Variants in TOX3 observed in about 807,000 individuals in gnomAD.
TOX3 encodes TOX high mobility group box family member 3, also known as CAG trinucleotide repeat-containing gene F9 protein.
A neutral mutation model predicts 64.3 loss-of-function variants in TOX3; 22 were observed. That is an observed-to-expected ratio of 0.34 (90% CI 0.24 to 0.49). The LOEUF (loss-of-function observed/expected upper bound fraction) is 0.49. Ranked by LOEUF, TOX3 falls within the 20% of genes least tolerant of loss-of-function variation. The probability of loss-of-function intolerance (pLI) is 0.99; values close to 1 mark genes in which losing one functional copy is unlikely to be tolerated. For missense variants in TOX3, 661 were observed against 714.4 expected (o/e 0.93, Z 0.85); for synonymous variants, 291 against 273.6 (o/e 1.06, Z -0.63).
At chr16:52,454,302 T>A (rs367931628) in intron 3 of TOX3, among the ~76,000 whole-genome samples, 2 of 152,152 alleles carry the variant, frequency 1.3e-5, no homozygotes, top group African/African-American at 4.8e-5. Flanking sequence ...AGAGTACTGG[T>A]GGTGGGGCCA....
chr16:52,455,478 ATC>A (rs1262726358), intron 3 of TOX3, among the ~76,000 whole-genome samples: 1 of 152,168 alleles, frequency 6.6e-6, no homozygotes, highest in Non-Finnish European at 1.5e-5. Flanking sequence ...CATAAAAATC[ATC>A]TCCTTGGGGG....
intron 1 of TOX3, among the ~76,000 whole-genome samples, chr16:52,499,939 A>G (rs920088445): frequency 1.3e-5 from 2 of 152,210 alleles, no homozygotes; most frequent in Non-Finnish European, 2.9e-5. Flanking sequence ...ACAAGCACCA[A>G]TCTTTGGCCT....
chr16:52,436,973 T>C lies in TOX3; in HGVS notation c.*2252A>G, dbSNP rs1286942931. 1 of 152,222 alleles carries C rather than the reference T, an allele frequency of 6.6e-6. No individual in the cohort carries two copies. Among genetic ancestry groups the C allele is most frequent in the Non-Finnish European group, 1.5e-5 (1 of 68,030 alleles). The allele number at this position is 152,222 out of a possible 1,614,324, so 9.4% of individuals were successfully genotyped here. On this transcript the variant is annotated 3_prime_UTR_variant, in exon 7 of 7. Transcript: ENST00000219746. ...GGTTTCACAACAGAATATAAAATGG[T>C]TATTGTTATGTAATGTTAGTTTCAA...
Position 52,488,975 on chromosome 16 carries a change from C to T in TOX3, c.88-20401G>A, listed in dbSNP as rs552583601. On this transcript the variant is annotated intron_variant, in intron 1 of 6. Transcript: ENST00000219746. ...AGCTTTCAGCACCAAACCTCACCCA[C>T]TTGTCAACTAATGGACTTTGTCCCT... 2.2e-4 allele frequency among the ~76,000 whole-genome samples: 34 copies of T among 152,326 alleles called. 2 individuals carry two copies. In the South Asian group the frequency reaches 6.6e-3, roughly 30 times the overall value.
At chr16:52,479,091 C>G (rs1194386449) in intron 1 of TOX3, among the ~76,000 whole-genome samples, 1 of 152,174 alleles carries the variant, frequency 6.6e-6, no homozygotes, top group Admixed American at 6.5e-5. Context: ...ATGACAGGTA[C>G]TACGTGGAGG....
In TOX3 at chr16:52,440,748, C is replaced by CTTTTTTTTTTTTTTTTTT. The variant is rs1425662404; in HGVS notation, c.988-781_988-780insAAAAAAAAAAAAAAAAAA. Among the ~76,000 whole-genome samples, 4 of 89,456 alleles carry CTTTTTTTTTTTTTTTTTT rather than the reference C, an allele frequency of 4.5e-5. 1 individual carries two copies. Among genetic ancestry groups the CTTTTTTTTTTTTTTTTTT allele is most frequent in the Non-Finnish European group, 9.4e-5 (4 of 42,776 alleles). The allele number at this position is 89,456 out of a possible 152,430, so 58.7% of individuals were successfully genotyped here. A position where few individuals can be genotyped will look rare whatever the true frequency, so the allele number is the denominator to read the frequency against. On this transcript the variant is annotated intron_variant, in intron 6 of 6. Coordinates refer to ENST00000219746, the MANE Select transcript of TOX3 (RefSeq NM_001080430.4). Reference sequence around the variant, plus strand: ...ATTGGGTTATATGGTATTTTTCTTTCTTTCTTTTTTTTTTTTTTTTTTTTT... The same window carrying CTTTTTTTTTTTTTTTTTT: ...ATTGGGTTATATGGTATTTTTCTTTCTTTTTTTTTTTTTTTTTTTTTCTTTTTTTTTTTTTTTTTTTTT...
In TOX3 at chr16:52,463,942, A is replaced by T. The variant is rs1232109311; in HGVS notation, c.400T>A (p.Leu134Met). Residue 134 changes from leucine to methionine, a missense_variant, in exon 3 of 7, where the codon TTG becomes ATG. Coordinates refer to ENST00000219746, the MANE Select transcript of TOX3 (RefSeq NM_001080430.4). ...ATAAATGTGGTGCCTACCATATGCA[A>T]CCCACTGCTATGAAGCACGCCATCT... ...EQDGVLHSSG[L>M]HMDQSHTQVS... 2 of 1,536,896 alleles carry T rather than the reference A, an allele frequency of 1.3e-6. No individual in the cohort carries two copies. Among genetic ancestry groups the T allele is most frequent in the Non-Finnish European group, 1.8e-6 (2 of 1,139,168 alleles).
Position 52,464,012 on chromosome 16 carries a change from G to A in TOX3, c.330C>T (p.Ser110=). 6.3e-7 allele frequency: 1 copy of A among 1,599,756 alleles called. No individual in the cohort carries two copies. ...AGATTGTAATGGAAGGGAGGTCCAGGCTTTGAGGGGGAAACTGGGGTGTGA... is the reference window on the plus strand; with the variant it reads ...AGATTGTAATGGAAGGGAGGTCCAGACTTTGAGGGGGAAACTGGGGTGTGA... The part of the protein sequence containing the change: ...SEFTPQFPPQ[S]LDLPSITISR... The change falls in exon 3 of 7, where the codon AGC becomes AGT. Residue 110 remains serine, a synonymous_variant. Coordinates refer to ENST00000219746, the MANE Select transcript of TOX3 (RefSeq NM_001080430.4).
intron 1 of TOX3, among the ~76,000 whole-genome samples, chr16:52,473,932 T>A: frequency 6.6e-6 from 1 of 152,168 alleles, no homozygotes; most frequent in East Asian, 1.9e-4. Context: ...CATACAATTA[T>A]ATAGATTTAC....
At chr16:52,511,780 A>G (rs1429273239) in intron 1 of TOX3, among the ~76,000 whole-genome samples, 1 of 152,202 alleles carries the variant, frequency 6.6e-6, no homozygotes. Flanking sequence ...GAGTCAGAAA[A>G]CAAGTAGTTT....
intron 1 of TOX3, among the ~76,000 whole-genome samples, chr16:52,511,942 A>G (rs1962323219): frequency 6.6e-6 from 1 of 152,350 alleles, no homozygotes; most frequent in East Asian, 1.9e-4. Context: ...CTCCTGAGGG[A>G]ACGAGCAGAA....
At chr16:52,538,875 C>T (rs925748218) in intron 1 of TOX3, among the ~76,000 whole-genome samples, 4 of 152,072 alleles carry the variant, frequency 2.6e-5, no homozygotes, top group South Asian at 2.1e-4. Flanking sequence ...GAAAATAAAA[C>T]GATCTACCTC....
chr16:52,524,800 C>T (rs368104997), intron 1 of TOX3, among the ~76,000 whole-genome samples: 44 of 152,178 alleles, frequency 2.9e-4, no homozygotes, highest in African/African-American at 1.0e-3. Context: ...CTGGCCTCGA[C>T]CATCCTCTCT....
At position 52,546,799 on chromosome 16, in the gene TOX3, G is replaced by A; in HGVS notation, c.-76C>T. The A allele has an allele frequency of 8.0e-6, 11 of 1,368,098 alleles. No homozygotes were observed. Among genetic ancestry groups the A allele is most frequent in the Non-Finnish European group, 1.0e-5 (11 of 1,060,962 alleles). 84.7% of individuals were successfully genotyped at this position (1,368,098 alleles called of 1,614,324 possible). On this transcript the variant is annotated 5_prime_UTR_variant, in exon 1 of 7. Transcript: ENST00000219746. ...GGGACCCGCCTCCTCGCCGCCGCTAGATCCACCGTCGAGGGCGCCCGGGGG... is the reference window on the plus strand; with the variant it reads ...GGGACCCGCCTCCTCGCCGCCGCTAAATCCACCGTCGAGGGCGCCCGGGGG...
At chr16:52,519,778 TGAGAGCTTATCTCTACAAAAAA>T (rs1962556051) in intron 1 of TOX3, among the ~76,000 whole-genome samples, 1 of 151,298 alleles carries the variant, frequency 6.6e-6, no homozygotes, top group Admixed American at 6.6e-5. Flanking sequence ...GGCAATGTAT[TGAGAGCTTATCTCTACAAAAAA>T]AAAATTAAAA....
intron 1 of TOX3, among the ~76,000 whole-genome samples, chr16:52,506,341 T>A (rs1962162209): frequency 6.6e-6 from 1 of 152,016 alleles, no homozygotes; most frequent in African/African-American, 2.4e-5. Context: ...TGGAAGCAAG[T>A]CCAAGGTGAA....
At chr16:52,508,853 T>C (rs1169482487) in intron 1 of TOX3, among the ~76,000 whole-genome samples, 9 of 152,120 alleles carry the variant, frequency 5.9e-5, no homozygotes, top group East Asian at 1.9e-4. Context: ...TGTATAGCTA[T>C]ATATTATGTA....
chr16:52,519,987 A>G (rs982775992), intron 1 of TOX3, among the ~76,000 whole-genome samples: 6 of 151,624 alleles, frequency 4.0e-5, no homozygotes, highest in African/African-American at 2.4e-5. Flanking sequence ...AAAAAAAAAA[A>G]AAAAAGAAGA....
chr16:52,486,147 A>C (rs1567330147), intron 1 of TOX3, among the ~76,000 whole-genome samples: 1 of 152,134 alleles, frequency 6.6e-6, no homozygotes, highest in Admixed American at 6.5e-5. Context: ...GGCCCCCCGT[A>C]GTGAGACTGG....
Sources: gnomAD v4.1 joint callset for allele counts (sites outside exome capture counted in the v4.1 genomes callset) on GRCh38, gnomAD v4.1.1 for gene constraint, MANE v1.5 for transcripts, NCBI Gene and HGNC (gene_info 2026-07-23, HGNC 2026-07-21) for gene names.